The following KRT83 variants were observed in gnomAD, a reference collection of about 807,000 sequenced individuals.
KRT83 encodes the protein keratin, type II cuticular Hb3.
In KRT83, 51 loss-of-function variants were observed where a neutral mutation model predicts 52.9. The observed-to-expected ratio is 0.96, with a 90% CI of 0.77 to 1.22. The LOEUF is 1.22. Ranked by LOEUF, KRT83 falls within the 50% of genes most tolerant of loss-of-function variation. The pLI, the probability that KRT83 is intolerant of heterozygous loss-of-function variation, is 0.00. For synonymous variants in KRT83, 278 were observed against 274.1 expected, an observed-to-expected ratio of 1.01 and a Z score of -0.14; for missense variants, 654 against 666.5, an observed-to-expected ratio of 0.98 and a Z score of 0.21.
chr12:52,316,858 C>G lies in KRT83; in HGVS notation c.915+1G>C, dbSNP rs1349891348. 3 of 1,614,178 alleles carry G rather than the reference C, an allele frequency of 1.9e-6. No homozygotes were observed. In the Admixed American group the frequency reaches 5.0e-5, roughly 27 times the overall value. On this transcript the variant is annotated splice_donor_variant, in intron 5 of 8. Coordinates refer to ENST00000293670, the MANE Select transcript of KRT83 (RefSeq NM_002282.3). LOFTEE classifies it high-confidence loss of function. ...GCAGGCAGGTGTCCTGTGCCGCTCA[C>G]CTTGCTGCGATACCAGGACTCGGCC...
chr12:52,314,324 A>G lies in KRT83; in HGVS notation c.*307T>C. On this transcript the variant is annotated 3_prime_UTR_variant, in exon 9 of 9. Transcript: ENST00000293670. ...AAGCAGGTCCCCAAGTTTATTGGAA[A>G]AGGGGAGACAAGAGGCCAGAGAGGC... The G allele has an allele frequency of 2.1e-6, 1 of 475,558 alleles. No individual in the cohort carries two copies. Among genetic ancestry groups the G allele is most frequent in the African/African-American group, 2.0e-5 (1 of 51,136 alleles). The allele number at this position is 475,558 out of a possible 1,614,324, so 29.5% of individuals were successfully genotyped here.
At position 52,314,821 on chromosome 12, in the gene KRT83, G is replaced by A. The variant is rs983097347; in HGVS notation, c.1295-3C>T. On this transcript the variant is annotated splice_region_variant and splice_polypyrimidine_tract_variant and intron_variant, in intron 8 of 8. Transcript: ENST00000293670. ...CCCACCCCGGGAGCTGCTGACACCTGTGGGAACAAGGGCAGGGTCAAGAGA... is the reference window on the plus strand; with the variant it reads ...CCCACCCCGGGAGCTGCTGACACCTATGGGAACAAGGGCAGGGTCAAGAGA... The A allele has an allele frequency of 3.7e-6, 6 of 1,601,686 alleles. No individual in the cohort carries two copies. Among genetic ancestry groups the A allele is most frequent in the Non-Finnish European group, 5.1e-6 (6 of 1,174,774 alleles).
chr12:52,317,245 G>A (rs1938702138), intron 4 of KRT83, among the ~76,000 whole-genome samples: 2 of 152,206 alleles, frequency 1.3e-5, no homozygotes, highest in African/African-American at 4.8e-5. Flanking sequence ...CCCATGTGCA[G>A]CCAGCATGGT....
At chr12:52,318,238 C>T (rs1281305627) in intron 2 of KRT83, among the ~76,000 whole-genome samples, 2 of 151,814 alleles carry the variant, frequency 1.3e-5, no homozygotes, top group Non-Finnish European at 2.9e-5. Flanking sequence ...CACAGTGGCG[C>T]GGTCTCGGCT....
intron 3 of KRT83, 50 bp downstream of exon 3, chr12:52,317,860 A>G: frequency 6.2e-7 from 1 of 1,611,496 alleles, no homozygotes; most frequent in Non-Finnish European, 8.5e-7. Context: ...GACAAAGAGG[A>G]TGGGTGGCGG....
At chr12:52,315,822 A>T in intron 7 of KRT83, 71 bp downstream of exon 7, 1 of 1,602,200 alleles carries the variant, frequency 6.2e-7, no homozygotes, top group East Asian at 2.2e-5. Flanking sequence ...GGGGACTGAG[A>T]CTGAGATAGG....
rs766185773 is a variant in KRT83 at position 52,321,124 on chromosome 12, C to T, written c.212G>A (p.Arg71His). ...GCTGGGTCCGCACACGCCCCCGGAGCGGTAGCCGAAGCTGCGTCCGCAGGA... is the reference window on the plus strand; with the variant it reads ...GCTGGGTCCGCACACGCCCCCGGAGTGGTAGCCGAAGCTGCGTCCGCAGGA... Reference protein sequence around the residue: ...AGSCGRSFGYRSGGVCGPSPP... With the variant: ...AGSCGRSFGYHSGGVCGPSPP... Residue 71 changes from arginine (R) to histidine (H), a missense_variant, in exon 1 of 9, where the codon CGC (arginine) becomes CAC (histidine). Transcript: ENST00000293670. The T allele has an allele frequency of 6.2e-7, 1 of 1,612,378 alleles. No individual in the cohort carries two copies. The highest frequency in any genetic ancestry group is 8.5e-7 in the Non-Finnish European group (1 of 1,179,906).
chr12:52,318,092 T>G (rs1372384444), intron 2 of KRT83, 122 bp from the exon 3 acceptor site: 10 of 899,214 alleles, frequency 1.1e-5, no homozygotes, highest in Non-Finnish European at 1.8e-5. Context: ...CCAAGTGAAA[T>G]GGGTGGGGCT....
In KRT83 at chr12:52,321,098, G is replaced by C. The variant is rs368221217; in HGVS notation, c.238C>G (p.Pro80Ala). ...ACCGACACGGTGGTGATGCATGGGGGGCTGGGTCCGCACACGCCCCCGGAG... is the reference window on the plus strand; with the variant it reads ...ACCGACACGGTGGTGATGCATGGGGCGCTGGGTCCGCACACGCCCCCGGAG... ...YRSGGVCGPS[P>A]PCITTVSVNE... is the part of the protein sequence containing the mutation. Residue 80 changes from proline (P) to alanine (A), a missense_variant, in exon 1 of 9, where the codon CCC becomes GCC. Physicochemically the swap from Pro to Ala is conservative, Grantham distance 27. Coordinates refer to ENST00000293670, the MANE Select transcript of KRT83 (RefSeq NM_002282.3). 4 of 1,612,308 alleles carry C rather than the reference G, an allele frequency of 2.5e-6. No individual in the cohort carries two copies. Among genetic ancestry groups the C allele is most frequent in the Non-Finnish European group, 2.5e-6 (3 of 1,179,886 alleles).
chr12:52,316,992 T>C lies in KRT83; in HGVS notation c.782A>G (p.Asp261Gly). The C allele has an allele frequency of 6.2e-7, 1 of 1,614,140 alleles. No homozygotes were observed. Among genetic ancestry groups the C allele is most frequent in the African/African-American group, 1.3e-5 (1 of 75,014 alleles). Residue 261 changes from aspartate to glycine, a missense_variant, in exon 5 of 9, where the codon GAC (aspartate) becomes GGC (glycine). Coordinates refer to ENST00000293670, the MANE Select transcript of KRT83 (RefSeq NM_002282.3). ...EIRILQSHIS[D>G]TSVVVKLDNS... ...GTCCAGCTTGACAACCACGGAGGTG[T>C]CTGAGATGTGGGATTGGAGAATGCG...
chr12:52,320,844 G>A, intron 1 of KRT83, 108 bp downstream of exon 1: 1 of 1,607,576 alleles, frequency 6.2e-7, no homozygotes, highest in Non-Finnish European at 8.5e-7. Context: ...CTTTGGCCTG[G>A]GAACTTCTGT....
rs1421018140 is a variant in KRT83, at chr12:52,314,624, G to T, written c.*7C>A. On this transcript the variant is annotated 3_prime_UTR_variant, in exon 9 of 9. Coordinates refer to ENST00000293670, the MANE Select transcript of KRT83 (RefSeq NM_002282.3). ...GAAGGGGCTCCCCTGGCTCTCTTTT[G>T]GGCCACTTAATGCCTCCCCTGGCCG... 6.4e-6 allele frequency: 10 copies of T among 1,558,624 alleles called. No homozygotes were observed. The highest frequency in any genetic ancestry group is 5.2e-6 in the Non-Finnish European group (6 of 1,151,402).
chr12:52,315,486 T>C (rs1220633874), intron 7 of KRT83, 143 bp from the exon 8 acceptor site: 13 of 896,300 alleles, frequency 1.5e-5, no homozygotes. Context: ...AAAAGTTGCC[T>C]TTCTGGCAGT....
chr12:52,315,302 A>C lies in KRT83; in HGVS notation c.1294+10T>G, dbSNP rs371725329. On this transcript the variant is annotated intron_variant, in intron 8 of 8. Transcript: ENST00000293670. ...TCTACATTTTCCTTTTCAGGGCTCA[A>C]GATACTTACAGACATTCACAGCTTC... The C allele has an allele frequency of 1.7e-5, 28 of 1,613,464 alleles. No individual in the cohort carries two copies. Among genetic ancestry groups the C allele is most frequent in the Admixed American group, 3.3e-5 (2 of 59,988 alleles).
Position 52,321,248 on chromosome 12 carries a change from A to T in KRT83, c.88T>A (p.Cys30Ser), listed in dbSNP as rs751158922. The T allele has an allele frequency of 6.2e-7, 1 of 1,613,334 alleles. No homozygotes were observed. The highest frequency in any genetic ancestry group is 1.1e-5 in the South Asian group (1 of 91,092). The change falls in exon 1 of 9, where the codon TGC becomes AGC. Residue 30 changes from cysteine (C) to serine (S), a missense_variant. Coordinates refer to ENST00000293670, the MANE Select transcript of KRT83 (RefSeq NM_002282.3). ...CGGTAGGGGGCGGCGGTGATGCAGC[A>T]GCGGCTTGGCCGGGGCCCGCAGGCA... is the stretch of plus-strand genomic sequence containing the variant. ...VSACGPRPSR[C>S]CITAAPYRGI...
At chr12:52,315,866 G>A in intron 7 of KRT83, 27 bp downstream of exon 7, 1 of 1,612,172 alleles carries the variant, frequency 6.2e-7, no homozygotes, top group Non-Finnish European at 8.5e-7. Flanking sequence ...TATGCAAGTG[G>A]AGTGCTTAGG....
chr12:52,317,331 G>A lies in KRT83; in HGVS notation c.751-308C>T, dbSNP rs111573545. Among the ~76,000 whole-genome samples the A allele has an allele frequency of 2.4e-3, 361 of 152,316 alleles. 2 individuals are homozygous for A. Among genetic ancestry groups the A allele is most frequent in the African/African-American group, 8.0e-3 (334 of 41,564 alleles). On this transcript the variant is annotated intron_variant, in intron 4 of 8. Coordinates refer to ENST00000293670, the MANE Select transcript of KRT83 (RefSeq NM_002282.3). ...CTCCTAGACCAACCCCATGTAGGAA[G>A]GCTATTGCTGCCAGAGAAAGCCCTG...
At chr12:52,318,071 G>T in intron 2 of KRT83, 101 bp from the exon 3 acceptor site, 2 of 1,088,106 alleles carry the variant, frequency 1.8e-6, no homozygotes, top group Non-Finnish European at 2.8e-6. Context: ...CCCCCTGCTT[G>T]TCTCCTGCCC....
At position 52,316,490 on chromosome 12, in the gene KRT83, TCG is replaced by T; in HGVS notation, c.1017_1018del (p.Glu340GlyfsTer19). The T allele has an allele frequency of 6.2e-7, 1 of 1,614,138 alleles. No homozygotes were observed. Among genetic ancestry groups the T allele is most frequent in the Non-Finnish European group, 8.5e-7 (1 of 1,180,028 alleles). ...TACCTGGCACTTGGCATTCTCCACC[TCG>T]GCTGTCAGCCTCTGGATCATGCGGT... On this transcript the variant is annotated frameshift_variant, in exon 6 of 9. Transcript: ENST00000293670. LOFTEE classifies it high-confidence loss of function.
Sources: allele counts gnomAD v4.1 joint callset (sites outside exome capture counted in the v4.1 genomes callset), GRCh38; gene constraint gnomAD v4.1.1; transcripts MANE v1.5; gene names NCBI Gene and HGNC (gene_info 2026-07-23, HGNC 2026-07-21).